Variants in C8orf34 observed in about 807,000 individuals in gnomAD.
The protein encoded by C8orf34 is uncharacterized protein C8orf34.
C8orf34 carries 65 observed loss-of-function variants against 68.3 expected under a neutral mutation model. The observed-to-expected ratio is 0.95, with a 90% CI of 0.78 to 1.17. The LOEUF (loss-of-function observed/expected upper bound fraction) is 1.17. Among genes scored for constraint, C8orf34 ranks in the 50% most tolerant of loss-of-function variants. The pLI is 0.00. For synonymous variants in C8orf34, 244 were observed against 241.2 expected, an observed-to-expected ratio of 1.01 and a Z score of -0.11; for missense variants, 664 against 655.4, an observed-to-expected ratio of 1.01 and a Z score of -0.14.
chr8:68,390,534 A>G (rs1808438231), intron 1 of C8orf34, among the ~76,000 whole-genome samples: 1 of 152,182 alleles, frequency 6.6e-6, no homozygotes, highest in Non-Finnish European at 1.5e-5. Context: ...CATTAAAACT[A>G]GAACAGACTC....
chr8:68,508,801 T>A (rs925876739), intron 5 of C8orf34, among the ~76,000 whole-genome samples: 1 of 152,174 alleles, frequency 6.6e-6, no homozygotes, highest in Non-Finnish European at 1.5e-5. Context: ...CTGGAAGCCA[T>A]GGCGACAAAA....
chr8:68,814,891 C>G (rs1824763705), intron 12 of C8orf34, among the ~76,000 whole-genome samples: 1 of 152,112 alleles, frequency 6.6e-6, no homozygotes, highest in Non-Finnish European at 1.5e-5. Flanking sequence ...AATAACTTTG[C>G]TAAATATCAG....
At chr8:68,402,317 C>T (rs771213163) in intron 1 of C8orf34, among the ~76,000 whole-genome samples, 4 of 152,032 alleles carry the variant, frequency 2.6e-5, no homozygotes, top group Non-Finnish European at 5.9e-5. Context: ...GTTAGTCTGG[C>T]TAGCAGTTTG....
At chr8:68,457,586 G>A (rs939243129) in intron 3 of C8orf34, among the ~76,000 whole-genome samples, 1 of 152,090 alleles carries the variant, frequency 6.6e-6, no homozygotes, top group African/African-American at 2.4e-5. Context: ...GATTGGTGGA[G>A]GTCATATTGA....
intron 8 of C8orf34, among the ~76,000 whole-genome samples, chr8:68,658,680 T>A (rs1819582160): frequency 6.6e-6 from 1 of 152,152 alleles, no homozygotes; most frequent in African/African-American, 2.4e-5. Context: ...TCCTAAATTG[T>A]CTTTGATAGT....
At chr8:68,340,929 T>TA (rs770060169) in intron 1 of C8orf34, among the ~76,000 whole-genome samples, 2 of 151,820 alleles carry the variant, frequency 1.3e-5, no homozygotes, top group Non-Finnish European at 1.5e-5. Context: ...AATTCAGAAA[T>TA]AAAAAAACAA....
chr8:68,391,973 G>A (rs142331774), intron 1 of C8orf34, among the ~76,000 whole-genome samples: 189 of 152,204 alleles, frequency 1.2e-3, no homozygotes, highest in African/African-American at 4.4e-3. Context: ...AATGAACATC[G>A]CTAATGAATG....
rs905461422 is a variant in C8orf34, at chr8:68,562,495, T to A, written c.1105+29346T>A. Among the ~76,000 whole-genome samples the A allele has an allele frequency of 9.9e-5, 15 of 152,200 alleles. 1 individual carries two copies. Among genetic ancestry groups the A allele is most frequent in the Admixed American group, 7.9e-4 (12 of 15,272 alleles). ...ACCATTTATCAACCTCTGAGATTATTTGGAAGTTAGAAAGAAAGTGTTCCA... is the reference window on the plus strand; with the variant it reads ...ACCATTTATCAACCTCTGAGATTATATGGAAGTTAGAAAGAAAGTGTTCCA... On this transcript the variant is annotated intron_variant, in intron 7 of 13. Transcript: ENST00000518698.
chr8:68,333,421 T>C (rs775323644), intron 1 of C8orf34, among the ~76,000 whole-genome samples: 1 of 152,192 alleles, frequency 6.6e-6, no homozygotes, highest in Non-Finnish European at 1.5e-5. Context: ...CTTTAAATAA[T>C]TGAAGGGAGA....
At chr8:68,758,428 A>C (rs1431012333) in intron 10 of C8orf34, among the ~76,000 whole-genome samples, 1 of 152,162 alleles carries the variant, frequency 6.6e-6, no homozygotes, top group African/African-American at 2.4e-5. Flanking sequence ...TCTTTTATGA[A>C]GTTAAGGTCA....
intron 3 of C8orf34, 70 bp from the exon 4 acceptor site, chr8:68,468,622 G>A (rs186215467): frequency 1.8e-5 from 27 of 1,474,350 alleles, no homozygotes; most frequent in South Asian, 2.5e-5. Flanking sequence ...AGTCTTTCAC[G>A]TGATGATGAA....
intron 7 of C8orf34, chr8:68,533,512 T>A (rs117419400): frequency 1.0e-6 from 1 of 989,870 alleles, no homozygotes; most frequent in Non-Finnish European, 1.2e-6. Context: ...ATACCCAAAG[T>A]ACATATTTCA....
At chr8:68,534,112 A>G in intron 7 of C8orf34, 1 of 981,878 alleles carries the variant, frequency 1.0e-6, no homozygotes, top group Non-Finnish European at 1.2e-6. Context: ...TACTATCATT[A>G]TAAAAAATGA....
At position 68,531,461 on chromosome 8, in the gene C8orf34, G is replaced by A. The variant is rs150669199; in HGVS notation, c.939-1522G>A. Among the ~76,000 whole-genome samples, 168 of 151,980 alleles carry A rather than the reference G, an allele frequency of 1.1e-3. 1 individual carries two copies. The highest frequency in any genetic ancestry group is 3.4e-3 in the Middle Eastern group (1 of 292). ...TCTTCAAAAATTTCTCCCAATCTGCGTTTGTCTGATTGTTCTCTGATTAAA... is the reference window on the plus strand; with the variant it reads ...TCTTCAAAAATTTCTCCCAATCTGCATTTGTCTGATTGTTCTCTGATTAAA... On this transcript the variant is annotated intron_variant, in intron 6 of 13. Coordinates refer to ENST00000518698, the MANE Select transcript of C8orf34 (RefSeq NM_052958.4).
chr8:68,684,799 T>A (rs184384547), intron 8 of C8orf34, among the ~76,000 whole-genome samples: 2,197 of 152,020 alleles, frequency 0.014, 11 homozygotes, highest in Middle Eastern at 0.037. Flanking sequence ...AAAAAAATAT[T>A]TTTTTTAAAA....
At chr8:68,754,081 G>C (rs940666782) in intron 10 of C8orf34, among the ~76,000 whole-genome samples, 1 of 147,530 alleles carries the variant, frequency 6.8e-6, no homozygotes, top group Non-Finnish European at 1.5e-5. Flanking sequence ...GCAATTTTGT[G>C]AATGGATTAA....
chr8:68,400,781 C>T (rs997633420), intron 1 of C8orf34, among the ~76,000 whole-genome samples: 4 of 152,078 alleles, frequency 2.6e-5, no homozygotes, highest in Non-Finnish European at 4.4e-5. Flanking sequence ...ACCCTTGCAA[C>T]ATAATTTGAA....
chr8:68,666,723 T>C (rs1359048342), intron 8 of C8orf34, among the ~76,000 whole-genome samples: 1 of 152,168 alleles, frequency 6.6e-6, no homozygotes, highest in Non-Finnish European at 1.5e-5. Flanking sequence ...TTTTCTTGTG[T>C]AGGTGTACTC....
intron 7 of C8orf34, among the ~76,000 whole-genome samples, chr8:68,553,853 T>C (rs1272750380): frequency 2.1e-5 from 3 of 144,740 alleles, no homozygotes; most frequent in Non-Finnish European, 1.5e-5. Flanking sequence ...GTAATAAATA[T>C]GTTTATTCTA....
Sources: gnomAD v4.1 joint callset for allele counts (sites outside exome capture counted in the v4.1 genomes callset) on GRCh38, gnomAD v4.1.1 for gene constraint, MANE v1.5 for transcripts, NCBI Gene and HGNC (gene_info 2026-07-23, HGNC 2026-07-21) for gene names.